Variants in PTPRK observed in about 807,000 individuals in gnomAD.
PTPRK encodes receptor-type tyrosine-protein phosphatase kappa.
PTPRK carries 75 observed loss-of-function variants against 178.0 expected under a neutral mutation model. The ratio of observed to expected loss-of-function variants is 0.42; its 90% CI spans 0.35 to 0.51. PTPRK has a LOEUF of 0.51. Ranked by LOEUF, PTPRK falls within the 20% of genes least tolerant of loss-of-function variation. The probability of loss-of-function intolerance (pLI) is 0.02; values close to 1 mark genes in which losing one functional copy is unlikely to be tolerated. For synonymous variants in PTPRK, 637 were observed against 620.6 expected (o/e 1.03, Z -0.39); for missense variants, 1,441 against 1,797.8 (o/e 0.80, Z 3.59).
At chr6:128,353,851 A>T (rs1194703068) in intron 2 of PTPRK, among the ~76,000 whole-genome samples, 1 of 152,194 alleles carries the variant, frequency 6.6e-6, no homozygotes, top group African/African-American at 2.4e-5. Flanking sequence ...AATAACACAC[A>T]TACACATATG....
chr6:127,999,091 G>C (rs1444985596), intron 15 of PTPRK, among the ~76,000 whole-genome samples, 187 bp from the exon 16 acceptor site: 3 of 152,066 alleles, frequency 2.0e-5, no homozygotes, highest in African/African-American at 7.2e-5. Flanking sequence ...GGTTTCAGGT[G>C]AGAGTATATT....
At chr6:128,011,022 A>G (rs1399136576) in intron 13 of PTPRK, among the ~76,000 whole-genome samples, 1 of 151,228 alleles carries the variant, frequency 6.6e-6, no homozygotes, top group Non-Finnish European at 1.5e-5. Context: ...TTCCAGGGCG[A>G]CGTTAGAAAT....
chr6:128,311,136 CA>C (rs1274023886), intron 3 of PTPRK, among the ~76,000 whole-genome samples: 1 of 151,974 alleles, frequency 6.6e-6, no homozygotes, highest in South Asian at 2.1e-4. Flanking sequence ...CCTTTCATAA[CA>C]AAAAAATAAA....
intron 29 of PTPRK, among the ~76,000 whole-genome samples, chr6:127,971,959 T>G (rs1018464890): frequency 6.6e-6 from 1 of 152,066 alleles, no homozygotes; most frequent in African/African-American, 2.4e-5. Context: ...CCCTTTCTCA[T>G]CTCCATAGCC....
At chr6:128,498,970 A>T (rs1030150048) in intron 1 of PTPRK, among the ~76,000 whole-genome samples, 1 of 152,308 alleles carries the variant, frequency 6.6e-6, no homozygotes, top group Admixed American at 6.5e-5. Context: ...TGTTCCATTG[A>T]GTATCACAAT....
At chr6:128,478,698 T>G (rs2128422402) in intron 1 of PTPRK, among the ~76,000 whole-genome samples, 1 of 152,244 alleles carries the variant, frequency 6.6e-6, no homozygotes, top group African/African-American at 2.4e-5. Context: ...TTTCAGTTAC[T>G]TTCATTTTCA....
intron 7 of PTPRK, among the ~76,000 whole-genome samples, chr6:128,115,366 T>G (rs771144762): frequency 3.3e-5 from 5 of 152,108 alleles, no homozygotes; most frequent in African/African-American, 1.2e-4. Context: ...AAATTGGAAG[T>G]GCTCACCCTT....
intron 1 of PTPRK, among the ~76,000 whole-genome samples, chr6:128,465,636 A>G (rs568296338): frequency 6.6e-6 from 1 of 152,196 alleles, no homozygotes; most frequent in African/African-American, 2.4e-5. Context: ...TTATTCAAAC[A>G]CCAGGAAAAT....
rs1176143736 is a variant in PTPRK, at chr6:128,082,535, T to C, written c.1679A>G (p.His560Arg). 5 of 1,612,794 alleles carry C rather than the reference T, an allele frequency of 3.1e-6. No individual in the cohort carries two copies. The highest frequency in any genetic ancestry group is 4.2e-6 in the Non-Finnish European group (5 of 1,179,048). The change falls in exon 10 of 30, where the codon CAT becomes CGT. Residue 560 changes from histidine to arginine, a missense_variant. By Grantham distance (29) the His-to-Arg change is conservative. Transcript: ENST00000368226. ...LWNSTHHVFMHLHPGTTYQFF... is the reference protein window; with the variant it reads ...LWNSTHHVFMRLHPGTTYQFF... ...CTGGTACGTGGTTCCAGGGTGGAGATGCATAAAGACATGGTGTGTACTGTT... is the reference window on the plus strand; with the variant it reads ...CTGGTACGTGGTTCCAGGGTGGAGACGCATAAAGACATGGTGTGTACTGTT...
intron 1 of PTPRK, among the ~76,000 whole-genome samples, chr6:128,495,021 A>G (rs1854451988): frequency 6.6e-6 from 1 of 152,246 alleles, no homozygotes; most frequent in African/African-American, 2.4e-5. Flanking sequence ...ACAAACCACT[A>G]AAGAAAATAT....
At chr6:128,424,155 C>A (rs1264218423) in intron 1 of PTPRK, among the ~76,000 whole-genome samples, 3 of 151,984 alleles carry the variant, frequency 2.0e-5, no homozygotes, top group African/African-American at 7.3e-5. Context: ...ATCACTTGAG[C>A]CCTGGAGTTC....
chr6:128,184,613 T>C lies in PTPRK; in HGVS notation c.981A>G (p.Glu327=). 1 of 1,614,072 alleles carries C rather than the reference T, an allele frequency of 6.2e-7. No homozygotes were observed. Among genetic ancestry groups the C allele is most frequent in the Non-Finnish European group, 8.5e-7 (1 of 1,179,962 alleles). ...IIGDGPIILK[E]VEYRMTSGSW... ...ATCCTGATGTCATTCGGTACTCTACTTCTTTCAGGATGATAGGACCATCGC... is the reference window on the plus strand; with the variant it reads ...ATCCTGATGTCATTCGGTACTCTACCTCTTTCAGGATGATAGGACCATCGC... Residue 327 remains glutamate (E), a synonymous_variant, in exon 7 of 30, where the codon GAA becomes GAG. Coordinates refer to ENST00000368226, the MANE Select transcript of PTPRK (RefSeq NM_002844.4).
chr6:128,402,194 C>T (rs2128372376), intron 1 of PTPRK, among the ~76,000 whole-genome samples: 1 of 152,272 alleles, frequency 6.6e-6, no homozygotes, highest in East Asian at 1.9e-4. Flanking sequence ...CTGAGTAATA[C>T]AGTTTATTCC....
At chr6:128,128,536 T>C (rs977323305) in intron 7 of PTPRK, among the ~76,000 whole-genome samples, 2 of 152,222 alleles carry the variant, frequency 1.3e-5, no homozygotes, top group East Asian at 1.9e-4. Context: ...GACCAATTCA[T>C]TGAGAGCAAA....
intron 1 of PTPRK, chr6:128,491,668 CAA>C (rs1193404321): frequency 1.3e-5 from 6 of 451,004 alleles, no homozygotes; most frequent in Non-Finnish European, 2.7e-5. Context: ...ATGTGAACAC[CAA>C]AATCTGCCAC....
intron 7 of PTPRK, among the ~76,000 whole-genome samples, chr6:128,142,023 T>C (rs1397398460): frequency 6.6e-6 from 1 of 151,970 alleles, no homozygotes; most frequent in African/African-American, 2.4e-5. Flanking sequence ...CTCTTACTCC[T>C]TAAACACATA....
rs116832853 is a variant in PTPRK at position 128,133,271 on chromosome 6, C to T, written c.1163-43279G>A. Among the ~76,000 whole-genome samples, 1,216 of 152,070 alleles carry T rather than the reference C, an allele frequency of 8.0e-3. 23 individuals are homozygous for T. Among genetic ancestry groups the T allele is most frequent in the African/African-American group, 0.027 (1,138 of 41,476 alleles). On this transcript the variant is annotated intron_variant, in intron 7 of 29. Transcript: ENST00000368226. ...ATATAATCCTGACAACGGATATCTA[C>T]GGTTTATTTCAGGTTTAAAATTTGT...
intron 16 of PTPRK, 87 bp downstream of exon 16, chr6:127,998,633 T>G (rs1777456033): frequency 1.8e-6 from 2 of 1,097,400 alleles, no homozygotes; most frequent in Non-Finnish European, 2.6e-6. Context: ...CCCTCCTTGT[T>G]GTGTTAAAGA....
intron 7 of PTPRK, among the ~76,000 whole-genome samples, chr6:128,129,335 T>C (rs759285312): frequency 1.3e-5 from 2 of 152,196 alleles, no homozygotes; most frequent in Non-Finnish European, 2.9e-5. Context: ...ATTAATAATG[T>C]GGCTTGTCTG....
Sources: allele counts gnomAD v4.1 joint callset (sites outside exome capture counted in the v4.1 genomes callset), GRCh38; gene constraint gnomAD v4.1.1; transcripts MANE v1.5; gene names NCBI Gene and HGNC (gene_info 2026-07-23, HGNC 2026-07-21).